Variants in EFR3A observed in about 807,000 individuals in gnomAD.
EFR3A encodes the protein EFR3 homolog A, also known as protein EFR3 homolog A.
A neutral mutation model predicts 104.4 loss-of-function variants in EFR3A; 76 were observed. That is an observed-to-expected ratio of 0.73 (90% CI 0.60 to 0.88). EFR3A has a LOEUF of 0.88. Ranked by LOEUF, EFR3A falls within the 40% of genes least tolerant of loss-of-function variation. EFR3A has a pLI of 0.00. For missense variants in EFR3A, 985 were observed against 1,012.5 expected (o/e 0.97, Z 0.37); for synonymous variants, 330 against 330.0 (o/e 1.00, Z 0.00).
intron 19 of EFR3A, among the ~76,000 whole-genome samples, chr8:131,997,732 A>T (rs1248321881): frequency 6.6e-6 from 1 of 152,032 alleles, no homozygotes; most frequent in Non-Finnish European, 1.5e-5. Context: ...CTAGGGAAGA[A>T]ATTCATCCAG....
chr8:132,013,224 CTCTT>C lies in EFR3A; in HGVS notation c.*2336_*2339del, dbSNP rs1310758365. On this transcript the variant is annotated 3_prime_UTR_variant, in exon 23 of 23. Transcript: ENST00000254624. Reference sequence around the variant, plus strand: ...TTGCTGTATAGAATTGCTTATATCACTCTTTCTTTCATGACATTGGTTAACATTT... The same window carrying C: ...TTGCTGTATAGAATTGCTTATATCACTCTTTCATGACATTGGTTAACATTT... 1.3e-5 allele frequency: 2 copies of C among 152,418 alleles called. No individual in the cohort carries two copies. The highest frequency in any genetic ancestry group is 2.1e-4 in the South Asian group (1 of 4,830). 9.4% of individuals were successfully genotyped at this position (152,418 alleles called of 1,614,324 possible).
intron 1 of EFR3A, among the ~76,000 whole-genome samples, chr8:131,916,410 T>C (rs529842266): frequency 6.6e-6 from 1 of 152,174 alleles, no homozygotes; most frequent in Non-Finnish European, 1.5e-5. Context: ...CTTTATCATA[T>C]GGGTGAATGG....
Position 131,955,792 on chromosome 8 carries a change from T to G in EFR3A, c.663T>G (p.Pro221=), listed in dbSNP as rs1170198256. The G allele has an allele frequency of 1.2e-6, 2 of 1,613,292 alleles. No homozygotes were observed. The change falls in exon 7 of 23, where the codon CCT becomes CCG. Residue 221 remains proline, a synonymous_variant. Coordinates refer to ENST00000254624, the MANE Select transcript of EFR3A (RefSeq NM_015137.6). ...VDSRIGPPSS[P]SATDKEENPA... ...GTCGCATAGGCCCTCCTTCTTCTCC[T>G]TCTGCAACTGACAAAGAAGAGAATC...
rs373249214 is a variant in EFR3A, at chr8:131,977,064, A to G, written c.1298A>G (p.Gln433Arg). Residue 433 changes from glutamine (Q) to arginine (R), a missense_variant, in exon 12 of 23, where the codon CAG (glutamine) becomes CGG (arginine). Gln to Arg is a conservative substitution (Grantham distance 43). Coordinates refer to ENST00000254624, the MANE Select transcript of EFR3A (RefSeq NM_015137.6). ...AGGGATTTGGGAACCAGGAGAATTC[A>G]GATAATGTTGCTGAGATCTTTGCTT... Reference protein sequence around the residue: ...QLGDLGTRRIQIMLLRSLLMV... With the variant: ...QLGDLGTRRIRIMLLRSLLMV... The G allele has an allele frequency of 3.2e-5, 52 of 1,602,970 alleles. No homozygotes were observed. Among genetic ancestry groups the G allele is most frequent in the Non-Finnish European group, 4.1e-5 (48 of 1,174,290 alleles).
chr8:131,922,150 C>G (rs1395175646), intron 1 of EFR3A, among the ~76,000 whole-genome samples: 2 of 152,116 alleles, frequency 1.3e-5, no homozygotes, highest in Non-Finnish European at 2.9e-5. Flanking sequence ...CTTCCGCTGT[C>G]TTCATGCAGC....
At chr8:131,932,598 T>C (rs191857906) in intron 1 of EFR3A, among the ~76,000 whole-genome samples, 1 of 152,264 alleles carries the variant, frequency 6.6e-6, no homozygotes, top group East Asian at 1.9e-4. Flanking sequence ...ACATGTTAGC[T>C]AGCTTTGTTA....
rs761114231 is a variant in EFR3A, at chr8:132,010,798, C to G, written c.2369C>G (p.Pro790Arg). 6.2e-7 allele frequency: 1 copy of G among 1,611,936 alleles called. No individual in the cohort carries two copies. The highest frequency in any genetic ancestry group is 8.5e-7 in the Non-Finnish European group (1 of 1,178,638). Residue 790 changes from proline to arginine, a missense_variant, in exon 23 of 23, where the codon CCC becomes CGC. Physicochemically the swap from Pro to Arg is moderately radical, Grantham distance 103. Coordinates refer to ENST00000254624, the MANE Select transcript of EFR3A (RefSeq NM_015137.6). ...QILELTIRPP[P>R]SPSGTLTITS... ...TTTTTGTTCTTTTATAGTCCTCCTC[C>G]CAGTCCATCAGGAACACTGACCATT... is the stretch of plus-strand genomic sequence containing the variant.
chr8:131,928,213 ATG>A (rs1355364322), intron 1 of EFR3A, among the ~76,000 whole-genome samples: 1 of 151,942 alleles, frequency 6.6e-6, no homozygotes, highest in Non-Finnish European at 1.5e-5. Context: ...AATGCTTCAA[ATG>A]TGGAACTTCT....
intron 9 of EFR3A, among the ~76,000 whole-genome samples, chr8:131,968,911 A>G (rs1276134000): frequency 6.6e-6 from 1 of 152,206 alleles, no homozygotes; most frequent in Non-Finnish European, 1.5e-5. Context: ...TGGCTTTAAA[A>G]TTAAGTTGTA....
At chr8:131,938,046 A>G (rs995689547) in intron 1 of EFR3A, among the ~76,000 whole-genome samples, 2 of 152,044 alleles carry the variant, frequency 1.3e-5, no homozygotes, top group East Asian at 3.9e-4. Flanking sequence ...AGAACTTGAT[A>G]TGGATATTAT....
intron 1 of EFR3A, among the ~76,000 whole-genome samples, chr8:131,906,444 G>A (rs1454932005): frequency 3.3e-5 from 5 of 152,156 alleles, no homozygotes; most frequent in Admixed American, 3.3e-4. Flanking sequence ...TCAAAGGGTT[G>A]GAGGTGATCA....
At chr8:131,940,940 G>A (rs933913274) in intron 2 of EFR3A, among the ~76,000 whole-genome samples, 1 of 151,942 alleles carries the variant, frequency 6.6e-6, no homozygotes, top group Admixed American at 6.6e-5. Flanking sequence ...AAGGTTTTCT[G>A]CTCTCATTAT....
At chr8:132,001,954 G>C in intron 20 of EFR3A, 147 bp downstream of exon 20, 1 of 676,424 alleles carries the variant, frequency 1.5e-6, no homozygotes, top group Non-Finnish European at 2.5e-6. Context: ...CATTTATTTA[G>C]CTACATGTTT....
At position 131,928,777 on chromosome 8, in the gene EFR3A, T is replaced by C. The variant is rs574629099; in HGVS notation, c.11-11722T>C. Among the ~76,000 whole-genome samples, 8 of 151,946 alleles carry C rather than the reference T, an allele frequency of 5.3e-5. No individual in the cohort carries two copies. The South Asian group carries it at 1.7e-3, about 32-fold the overall frequency. The stretch of plus-strand genomic sequence containing the variant: ...TGCATTTAAAATATTCTTAATTTCT[T>C]TTTCTGATGTTTCCTCATTACTGGA... On this transcript the variant is annotated intron_variant, in intron 1 of 22. Transcript: ENST00000254624.
At chr8:131,912,132 A>G (rs1478454906) in intron 1 of EFR3A, among the ~76,000 whole-genome samples, 1 of 152,132 alleles carries the variant, frequency 6.6e-6, no homozygotes, top group Non-Finnish European at 1.5e-5. Flanking sequence ...TGAGGCCTTC[A>G]TTTTGGAGTA....
intron 10 of EFR3A, 23 bp downstream of exon 10, chr8:131,970,666 A>G: frequency 1.2e-6 from 2 of 1,602,328 alleles, no homozygotes; most frequent in Non-Finnish European, 1.7e-6. Context: ...CACTTTTCAA[A>G]ACTATCATGT....
At chr8:131,994,060 C>T (rs1563700093) in intron 18 of EFR3A, among the ~76,000 whole-genome samples, 1 of 151,896 alleles carries the variant, frequency 6.6e-6, no homozygotes, top group African/African-American at 2.4e-5. Context: ...AACAAACCTG[C>T]GCATGTACCC....
At chr8:131,912,981 ATT>A (rs3051318) in intron 1 of EFR3A, among the ~76,000 whole-genome samples, 59,753 of 141,078 alleles carry the variant, frequency 0.42, 12,704 homozygotes, top group Middle Eastern at 0.55. Context: ...TATCACTTGT[ATT>A]TTTTTTTTTT....
chr8:131,972,189 A>G (rs1340203239), intron 10 of EFR3A, among the ~76,000 whole-genome samples: 1 of 151,228 alleles, frequency 6.6e-6, no homozygotes, highest in Non-Finnish European at 1.5e-5. Flanking sequence ...TAATCATTTT[A>G]GTGCTCAGAT....
Sources: gnomAD v4.1 joint callset for allele counts (sites outside exome capture counted in the v4.1 genomes callset) on GRCh38, gnomAD v4.1.1 for gene constraint, MANE v1.5 for transcripts, NCBI Gene and HGNC (gene_info 2026-07-23, HGNC 2026-07-21) for gene names.